The following POLR2M variants were observed in gnomAD, a reference collection of about 807,000 sequenced individuals.
POLR2M encodes RNA polymerase II subunit M, also known as protein GRINL1A.
Under a neutral mutation model 34.6 loss-of-function variants are expected in POLR2M, and 30 were observed. That is an observed-to-expected ratio of 0.87 (90% CI 0.65 to 1.18). The LOEUF (loss-of-function observed/expected upper bound fraction) is 1.18. POLR2M is among the 50% of genes most tolerant of loss of function. The pLI, the probability that POLR2M is intolerant of heterozygous loss-of-function variation, is 0.00. For missense variants in POLR2M, 432 were observed against 448.7 expected, an observed-to-expected ratio of 0.96 and a Z score of 0.34; for synonymous variants, 150 against 166.7, an observed-to-expected ratio of 0.90 and a Z score of 0.77.
intron 3 of POLR2M, among the ~76,000 whole-genome samples, chr15:57,714,055 G>C (rs933312861): frequency 6.6e-5 from 10 of 151,816 alleles, no homozygotes; most frequent in South Asian, 4.2e-4. Context: ...CATCGTGTTA[G>C]CCAGGATGGT....
rs1007573763 is a variant in POLR2M at position 57,708,930 on chromosome 15, A to G, written c.330A>G (p.Ser110=). 1.9e-6 allele frequency: 3 copies of G among 1,614,020 alleles called. No individual in the cohort carries two copies. The highest frequency in any genetic ancestry group is 2.7e-5 in the African/African-American group (2 of 74,922). The part of the protein sequence containing the change: ...QNSDPILDTS[S]LVPGCSSVDN... ...CTGACCCGATACTTGATACTTCATC[A>G]CTAGTTCCTGGATGTTCCTCTGTAG... Residue 110 remains serine (S), a synonymous_variant, in exon 2 of 4, where the codon TCA becomes TCG. Coordinates refer to ENST00000299638, the MANE Select transcript of POLR2M (RefSeq NM_015532.5).
At position 57,710,553 on chromosome 15, in the gene POLR2M, G is replaced by A. The variant is rs370958684; in HGVS notation, c.758+1195G>A. Among the ~76,000 whole-genome samples, 9 of 152,288 alleles carry A rather than the reference G, an allele frequency of 5.9e-5. No individual in the cohort carries two copies. The East Asian group carries it at 1.5e-3, about 26-fold the overall frequency. ...AATCAGGATTATACTACATTAACGT[G>A]ATCAAGTACTCTCTTGTGTACAGTG... is the stretch of plus-strand genomic sequence containing the variant. On this transcript the variant is annotated intron_variant, in intron 2 of 3. Transcript: ENST00000299638.
chr15:57,708,791 A>T lies in POLR2M; in HGVS notation c.191A>T (p.Glu64Val), dbSNP rs2040592215. Reference protein sequence around the residue: ...SFAKLKAAIAECEEVRRKSEL... With the variant: ...SFAKLKAAIAVCEEVRRKSEL... ...GCCAAACTGAAAGCTGCCATTGCAGAATGTGAAGAAGTTAGAAGAAAAAGT... is the reference window on the plus strand; with the variant it reads ...GCCAAACTGAAAGCTGCCATTGCAGTATGTGAAGAAGTTAGAAGAAAAAGT... Residue 64 changes from glutamate to valine, a missense_variant, in exon 2 of 4, where the codon GAA becomes GTA. Coordinates refer to ENST00000299638, the MANE Select transcript of POLR2M (RefSeq NM_015532.5). 6.2e-7 allele frequency: 1 copy of T among 1,612,842 alleles called. No individual in the cohort carries two copies. Among genetic ancestry groups the T allele is most frequent in the Non-Finnish European group, 8.5e-7 (1 of 1,179,590 alleles).
In POLR2M at chr15:57,709,920, A is replaced by T. The variant is rs1029707690; in HGVS notation, c.758+562A>T. Among the ~76,000 whole-genome samples the T allele has an allele frequency of 5.3e-5, 8 of 152,222 alleles. No homozygotes were observed. In the South Asian group the frequency reaches 1.7e-3, roughly 32 times the overall value. On this transcript the variant is annotated intron_variant, in intron 2 of 3. Transcript: ENST00000299638. The stretch of plus-strand genomic sequence containing the variant: ...GGAGCTGATGGGCTTTCCAGCAGAA[A>T]TTATTTGCATGCTCACTGTATGTAA...
intron 1 of POLR2M, chr15:57,707,431 A>G: frequency 1.6e-6 from 1 of 633,998 alleles, no homozygotes; most frequent in Admixed American, 2.1e-5. Context: ...GATTTTAGCA[A>G]GGGAGCCACG....
chr15:57,708,180 T>A (rs1332869708), intron 1 of POLR2M, among the ~76,000 whole-genome samples: 1 of 152,250 alleles, frequency 6.6e-6, no homozygotes, highest in Non-Finnish European at 1.5e-5. Context: ...TGTATTTACT[T>A]ATCAGAAATA....
At position 57,714,661 on chromosome 15, in the gene POLR2M, G is replaced by A. The variant is rs2040873965; in HGVS notation, c.1089G>A (p.Trp363Ter). ...AAGTAAGGGATGAAGATGACGATTG[G>A]TCCTCTGATGAATTCTGAAGATAAT... ...YREVRDEDDD[W>*]SSDEF The change falls in exon 4 of 4, where the codon TGG (tryptophan) becomes TGA (stop). Residue 363 changes from tryptophan to a stop codon, truncating the protein, a stop_gained. Transcript: ENST00000299638. LOFTEE classifies it high-confidence loss of function. The A allele has an allele frequency of 6.2e-7, 1 of 1,611,440 alleles. No individual in the cohort carries two copies. The highest frequency in any genetic ancestry group is 8.5e-7 in the Non-Finnish European group (1 of 1,179,610).
chr15:57,707,443 A>G (rs2040539730), intron 1 of POLR2M: 2 of 608,036 alleles, frequency 3.3e-6, no homozygotes, highest in Non-Finnish European at 6.1e-6. Flanking sequence ...GGAGCCACGT[A>G]ATAAAAGTGA....
In POLR2M at chr15:57,715,550, C is replaced by G. The variant is rs1595991190; in HGVS notation, c.*871C>G. ...TCCTTGCTGTCACAGATGATAGGTT[C>G]ATGTACACAACATTAATGTTTGATA... On this transcript the variant is annotated 3_prime_UTR_variant, in exon 4 of 4. Coordinates refer to ENST00000299638, the MANE Select transcript of POLR2M (RefSeq NM_015532.5). 1 of 152,070 alleles carries G rather than the reference C, an allele frequency of 6.6e-6. No individual in the cohort carries two copies. The highest frequency in any genetic ancestry group is 1.9e-4 in the East Asian group (1 of 5,196). The allele number at this position is 152,070 out of a possible 1,614,324, so 9.4% of individuals were successfully genotyped here.
In POLR2M at chr15:57,713,635, C is replaced by G. The variant is rs1486415474; in HGVS notation, c.964-901C>G. ...GTACATTGCCAGTGTCTGAAATTTA[C>G]TTGGACTTTTTATTGGATACTAGTT... On this transcript the variant is annotated intron_variant, in intron 3 of 3. Transcript: ENST00000299638. Among the ~76,000 whole-genome samples, 4 of 151,992 alleles carry G rather than the reference C, an allele frequency of 2.6e-5. No individual in the cohort carries two copies. In the East Asian group the frequency reaches 7.7e-4, roughly 29 times the overall value.
chr15:57,707,307 T>C, intron 1 of POLR2M: 1 of 736,498 alleles, frequency 1.4e-6, no homozygotes. Flanking sequence ...GATTGTCAGC[T>C]TCATCTCTGG....
At chr15:57,709,397 A>G (rs780323765) in intron 2 of POLR2M, 39 bp downstream of exon 2, 30 of 1,566,064 alleles carry the variant, frequency 1.9e-5, no homozygotes, top group Non-Finnish European at 2.3e-5. Flanking sequence ...CAGGAACGTG[A>G]TATTTGTTAA....
chr15:57,708,699 T>C lies in POLR2M; in HGVS notation c.114-15T>C. On this transcript the variant is annotated splice_polypyrimidine_tract_variant and intron_variant, in intron 1 of 3. Coordinates refer to ENST00000299638, the MANE Select transcript of POLR2M (RefSeq NM_015532.5). ...AAATGGCTGTAATGTAATAGTATTC[T>C]TTTCCATTTGACAGAAAATTCATTT... The C allele has an allele frequency of 1.3e-6, 2 of 1,560,786 alleles. No individual in the cohort carries two copies. Among genetic ancestry groups the C allele is most frequent in the East Asian group, 4.5e-5 (2 of 44,560 alleles).
At position 57,712,083 on chromosome 15, in the gene POLR2M, T is replaced by A. The variant is rs1457021076; in HGVS notation, c.858T>A (p.Asp286Glu). The A allele has an allele frequency of 6.2e-7, 1 of 1,614,152 alleles. No individual in the cohort carries two copies. Among genetic ancestry groups the A allele is most frequent in the Admixed American group, 1.7e-5 (1 of 60,024 alleles). ...GGCGCAGGGATAAGCAGCATCTTGA[T>A]GACATCACAGCAGCTCGGCTTCTAC... ...ERRRRDKQHL[D>E]DITAARLLPL... Residue 286 changes from aspartate to glutamate, a missense_variant, in exon 3 of 4, where the codon GAT (aspartate) becomes GAA (glutamate). Asp to Glu is a conservative substitution (Grantham distance 45, BLOSUM62 2). Transcript: ENST00000299638.
chr15:57,716,473 C>T lies in POLR2M; in HGVS notation c.*1794C>T, dbSNP rs2040947484. ...GAATTTTTATATATATTACTCACTG[C>T]AGAGATCATGTTCATTTACATTCCC... On this transcript the variant is annotated 3_prime_UTR_variant, in exon 4 of 4. Coordinates refer to ENST00000299638, the MANE Select transcript of POLR2M (RefSeq NM_015532.5). The T allele has an allele frequency of 6.6e-6, 1 of 152,248 alleles. No homozygotes were observed. The highest frequency in any genetic ancestry group is 1.9e-4 in the East Asian group (1 of 5,206). The allele number at this position is 152,248 out of a possible 1,614,324, so 9.4% of individuals were successfully genotyped here.
At chr15:57,713,841 TTTTTTTTTTTTTTTTTTTG>T in intron 3 of POLR2M, among the ~76,000 whole-genome samples, 1 of 110,414 alleles carries the variant, frequency 9.1e-6, no homozygotes, top group African/African-American at 3.8e-5. Context: ...TTTTTTTTTT[TTTTTTTTTTTTTTTTTTTG>T]AGACGGAGTC....
At chr15:57,707,213 C>A in intron 1 of POLR2M, 1 of 1,424,842 alleles carries the variant, frequency 7.0e-7, no homozygotes, top group South Asian at 1.4e-5. Context: ...AGCCCCTGGT[C>A]GGTTTTATTT....
rs1403520690 is a variant in POLR2M at position 57,715,772 on chromosome 15, A to G, written c.*1093A>G. Reference sequence around the variant, plus strand: ...TTTGTCTAATATATTGGAGTCTTTAAAAGTGTTGAAGAATAAAATATTAAT... The same window carrying G: ...TTTGTCTAATATATTGGAGTCTTTAGAAGTGTTGAAGAATAAAATATTAAT... On this transcript the variant is annotated 3_prime_UTR_variant, in exon 4 of 4. Transcript: ENST00000299638. 6.6e-6 allele frequency: 1 copy of G among 152,260 alleles called. No individual in the cohort carries two copies. The highest frequency in any genetic ancestry group is 1.5e-5 in the Non-Finnish European group (1 of 68,048). The allele number at this position is 152,260 out of a possible 1,614,324, so 9.4% of individuals were successfully genotyped here.
chr15:57,716,845 TTG>T lies in POLR2M; in HGVS notation c.*2170_*2171del, dbSNP rs1445697807. The T allele has an allele frequency of 6.6e-6, 1 of 152,204 alleles. No individual in the cohort carries two copies. Among genetic ancestry groups the T allele is most frequent in the East Asian group, 1.9e-4 (1 of 5,206 alleles). The allele number at this position is 152,204 out of a possible 1,614,324, so 9.4% of individuals were successfully genotyped here. On this transcript the variant is annotated 3_prime_UTR_variant, in exon 4 of 4. Transcript: ENST00000299638. ...AGTTGTTTTCTTTAGGAGTCTACCTTTGTGTATGTGCTTGAAAGTATTTTTGT... is the reference window on the plus strand; with the variant it reads ...AGTTGTTTTCTTTAGGAGTCTACCTTTGTATGTGCTTGAAAGTATTTTTGT...
Sources: allele counts gnomAD v4.1 joint callset (sites outside exome capture counted in the v4.1 genomes callset), GRCh38; gene constraint gnomAD v4.1.1; transcripts MANE v1.5; gene names NCBI Gene and HGNC (gene_info 2026-07-23, HGNC 2026-07-21).